Variants in OTOG observed in about 807,000 individuals in gnomAD.
OTOG encodes the protein otogelin.
A neutral mutation model predicts 313.8 loss-of-function variants in OTOG; 296 were observed. The ratio of observed to expected loss-of-function variants is 0.94; its 90% CI spans 0.86 to 1.04. The LOEUF (loss-of-function observed/expected upper bound fraction) is 1.04. Among genes scored for constraint, OTOG ranks in the 50% least tolerant of loss-of-function variants. OTOG has a pLI of 0.00. For missense variants in OTOG, 3,948 were observed against 3,840.1 expected (o/e 1.03, Z -0.74); for synonymous variants, 1,533 against 1,554.9 (o/e 0.99, Z 0.33).
At position 17,547,987 on chromosome 11, in the gene OTOG, G is replaced by T. The variant is rs1291544821; in HGVS notation, c.155G>T (p.Ser52Ile). ...CAGCCAGAGCCAGCCGGGCAACCCA[G>T]GTGAGTAGGTGTGAGCTGTGGCGGC... ...EPQPEPAGQP[S>I]SSHQEATLAM... is the part of the protein sequence containing the mutation. Residue 52 changes from serine to isoleucine, a missense_variant and splice_region_variant, in exon 2 of 56, where the codon AGC becomes ATC. Transcript: ENST00000399397. 1.5e-6 allele frequency: 1 copy of T among 669,658 alleles called. No individual in the cohort carries two copies. Among genetic ancestry groups the T allele is most frequent in the African/African-American group, 1.8e-5 (1 of 54,588 alleles). 41.5% of individuals were successfully genotyped at this position (669,658 alleles called of 1,614,324 possible). A position where few individuals can be genotyped will look rare whatever the true frequency, so the allele number is the denominator to read the frequency against.
chr11:17,609,644 T>C lies in OTOG; in HGVS notation c.4355-11T>C. On this transcript the variant is annotated splice_polypyrimidine_tract_variant and intron_variant, in intron 35 of 55. Transcript: ENST00000399397. Reference sequence around the variant, plus strand: ...ACCCCGCCTTCTGAACCTCTTCTTTTGTCTCCGCAGGTGTGGAGCCAGCAG... The same window carrying C: ...ACCCCGCCTTCTGAACCTCTTCTTTCGTCTCCGCAGGTGTGGAGCCAGCAG... 1.4e-6 allele frequency: 2 copies of C among 1,471,356 alleles called. No individual in the cohort carries two copies. The highest frequency in any genetic ancestry group is 1.8e-6 in the Non-Finnish European group (2 of 1,105,988). 91.1% of individuals were successfully genotyped at this position (1,471,356 alleles called of 1,614,324 possible).
chr11:17,552,614 C>CTGTGTCTCCCACCTGTCCTGTG (rs1158447407), intron 4 of OTOG, among the ~76,000 whole-genome samples: 8 of 151,686 alleles, frequency 5.3e-5, no homozygotes, highest in African/African-American at 1.9e-4. Context: ...CCCACCTGTC[C>CTGTGTCTCCCACCTGTCCTGTG]TCTCACATCA....
At chr11:17,560,676 G>A in intron 12 of OTOG, 33 bp from the exon 13 acceptor site, 1 of 1,489,640 alleles carries the variant, frequency 6.7e-7, no homozygotes, top group Non-Finnish European at 9.2e-7. Flanking sequence ...CAGGGGCAAA[G>A]GTGAGTTAAT....
In OTOG at chr11:17,613,612, G is replaced by A. The variant is rs569689813; in HGVS notation, c.6439G>A (p.Gly2147Arg). 47 of 1,550,508 alleles carry A rather than the reference G, an allele frequency of 3.0e-5. 2 individuals carry two copies. In the South Asian group the frequency reaches 4.0e-4, roughly 13 times the overall value. ...GATGAGGGCTGGGTTCTCTCTGCAG[G>A]GGCACCTGAACTGGCCCCCGTTCTG... ...HVLDCKSANLGHLNWPPFCLV... is the reference protein window; with the variant it reads ...HVLDCKSANLRHLNWPPFCLV... The change falls in exon 39 of 56, where the codon GGG becomes AGG. Residue 2147 changes from glycine to arginine, a missense_variant and splice_region_variant. Physicochemically the swap from Gly to Arg is moderately radical, Grantham distance 125. Transcript: ENST00000399397.
chr11:17,611,846 A>C (rs909732441), intron 36 of OTOG, among the ~76,000 whole-genome samples: 6 of 151,868 alleles, frequency 4.0e-5, no homozygotes, highest in Admixed American at 1.3e-4. Context: ...TTGTGTGTAT[A>C]GGCTTGTGCA....
intron 3 of OTOG, 127 bp downstream of exon 3, chr11:17,548,339 T>C: frequency 1.4e-6 from 1 of 697,650 alleles, no homozygotes; most frequent in Non-Finnish European, 2.2e-6. Context: ...AACAAGCAGA[T>C]TCCTGGTATG....
At chr11:17,591,661 A>C in intron 25 of OTOG, 73 bp downstream of exon 25, 2 of 1,512,766 alleles carry the variant, frequency 1.3e-6, no homozygotes. Flanking sequence ...TCTGGACTCC[A>C]GTTTGATGCA....
chr11:17,595,287 C>T (rs998196602), intron 28 of OTOG, among the ~76,000 whole-genome samples: 1 of 152,214 alleles, frequency 6.6e-6, no homozygotes, highest in Admixed American at 6.5e-5. Flanking sequence ...CCCCCATGTA[C>T]ATCATATTTC....
In OTOG at chr11:17,639,450, C is replaced by T; in HGVS notation, c.7922C>T (p.Pro2641Leu). Residue 2641 changes from proline to leucine, a missense_variant, in exon 49 of 56, where the codon CCC becomes CTC. Pro to Leu is a moderately conservative substitution (Grantham distance 98). Transcript: ENST00000399397. Reference protein sequence around the residue: ...CECDCDTIPVPRCHLWEKSQL... With the variant: ...CECDCDTIPVLRCHLWEKSQL... ...TGTGACTGTGACACAATCCCGGTGC[C>T]CCGGTGCCATCTGGTATGGAGACGC... The T allele has an allele frequency of 6.4e-7, 1 of 1,550,724 alleles. No individual in the cohort carries two copies.
chr11:17,613,195 TTTTCTTTCTTTCTTTC>T lies in OTOG; in HGVS notation c.6439-359_6439-344del, dbSNP rs1191747829. On this transcript the variant is annotated intron_variant, in intron 38 of 55. Transcript: ENST00000399397. Reference sequence around the variant, plus strand: ...TTTTCTTTCTTTCTTTCTTTCTTTCTTTTCTTTCTTTCTTTCTTTCTTTCTTTCTTTCTTTCTTTCT... The same window carrying T: ...TTTTCTTTCTTTCTTTCTTTCTTTCTTTTCTTTCTTTCTTTCTTTCTTTCT... 5.4e-3 allele frequency among the ~76,000 whole-genome samples: 356 copies of T among 65,346 alleles called. 1 individual carries two copies. The highest frequency in any genetic ancestry group is 0.014 in the Middle Eastern group (2 of 140). The allele number at this position is 65,346 out of a possible 152,430, so 42.9% of individuals were successfully genotyped here.
chr11:17,598,563 G>A (rs1853167895), intron 30 of OTOG, among the ~76,000 whole-genome samples: 2 of 152,170 alleles, frequency 1.3e-5, no homozygotes, highest in East Asian at 1.9e-4. Context: ...CCAGGCCCTG[G>A]CAGGTCTATG....
Position 17,586,897 on chromosome 11 carries a change from G to T in OTOG, c.2867+316G>T, listed in dbSNP as rs534831299. 7.2e-5 allele frequency among the ~76,000 whole-genome samples: 11 copies of T among 152,322 alleles called. No homozygotes were observed. In the South Asian group the frequency reaches 2.3e-3, roughly 32 times the overall value. On this transcript the variant is annotated intron_variant, in intron 24 of 55. Coordinates refer to ENST00000399397, the MANE Select transcript of OTOG (RefSeq NM_001292063.2). ...GTGAGTGCAAATCCAAAATGCACAT[G>T]TGCATATGTGAACATGCATGTACAT...
In OTOG at chr11:17,553,222, G is replaced by A; in HGVS notation, c.385+11G>A. On this transcript the variant is annotated intron_variant, in intron 5 of 55. Coordinates refer to ENST00000399397, the MANE Select transcript of OTOG (RefSeq NM_001292063.2). ...CGCGCTGCCAGATGGGTGGGTCTGGGCTCCACCCCACCCCCAGGAAGGGAC... is the reference window on the plus strand; with the variant it reads ...CGCGCTGCCAGATGGGTGGGTCTGGACTCCACCCCACCCCCAGGAAGGGAC... 2 of 1,550,062 alleles carry A rather than the reference G, an allele frequency of 1.3e-6. No homozygotes were observed. The highest frequency in any genetic ancestry group is 1.7e-6 in the Non-Finnish European group (2 of 1,146,786).
At chr11:17,574,315 A>AGTGTGT (rs60387184) in intron 19 of OTOG, among the ~76,000 whole-genome samples, 94 of 150,920 alleles carry the variant, frequency 6.2e-4, no homozygotes, top group African/African-American at 1.6e-3. Flanking sequence ...AGGGGGTAGG[A>AGTGTGT]GTGTGTGTGT....
chr11:17,550,751 C>T (rs537968461), intron 3 of OTOG, among the ~76,000 whole-genome samples: 1 of 152,296 alleles, frequency 6.6e-6, no homozygotes, highest in African/African-American at 2.4e-5. Flanking sequence ...TAGATTAGTA[C>T]CCGGGTGGGA....
intron 9 of OTOG, 53 bp from the exon 10 acceptor site, chr11:17,558,485 G>C: frequency 6.5e-6 from 10 of 1,543,710 alleles, no homozygotes; most frequent in Non-Finnish European, 8.8e-6. Flanking sequence ...TCTGTGTGGG[G>C]CTGTGTGTGG....
intron 34 of OTOG, 34 bp from the exon 35 acceptor site, chr11:17,609,096 C>T: frequency 6.6e-7 from 1 of 1,508,874 alleles, no homozygotes; most frequent in Non-Finnish European, 9.0e-7. Flanking sequence ...GCCTGTATTT[C>T]AGGCCTTTAA....
chr11:17,590,778 G>C (rs371057940), intron 24 of OTOG, among the ~76,000 whole-genome samples: 4 of 152,132 alleles, frequency 2.6e-5, no homozygotes, highest in African/African-American at 9.7e-5. Context: ...TGTCTCCCGA[G>C]TGTTCCCCAC....
Position 17,572,189 on chromosome 11 carries a change from G to A in OTOG, c.2065G>A (p.Val689Met), listed in dbSNP as rs1191698756. 4.5e-6 allele frequency: 7 copies of A among 1,550,366 alleles called. No homozygotes were observed. Among genetic ancestry groups the A allele is most frequent in the Non-Finnish European group, 6.1e-6 (7 of 1,146,924 alleles). ...VSGSPLDPCD[V>M]HLQAASYSVQ... ...TGGCTCCCCTCTGGACCCCTGCGAT[G>A]TGCACCTGCAAGCCGGTGAGTTGGT... The change falls in exon 18 of 56, where the codon GTG (valine) becomes ATG (methionine). Residue 689 changes from valine (V) to methionine (M), a missense_variant. Physicochemically the swap from Val to Met is conservative, Grantham distance 21. Coordinates refer to ENST00000399397, the MANE Select transcript of OTOG (RefSeq NM_001292063.2).
Sources: allele counts gnomAD v4.1 joint callset (sites outside exome capture counted in the v4.1 genomes callset), GRCh38; gene constraint gnomAD v4.1.1; transcripts MANE v1.5; gene names NCBI Gene and HGNC (gene_info 2026-07-23, HGNC 2026-07-21).